The following NUBPL variants were observed in gnomAD, a reference collection of about 807,000 sequenced individuals.
The protein encoded by NUBPL is iron-sulfur cluster transfer protein NUBPL.
Under a neutral mutation model 45.7 loss-of-function variants are expected in NUBPL, and 31 were observed. That is an observed-to-expected ratio of 0.68 (90% CI 0.51 to 0.92). The LOEUF (loss-of-function observed/expected upper bound fraction) is 0.92. Among genes scored for constraint, NUBPL ranks in the 40% least tolerant of loss-of-function variants. The pLI, the probability that NUBPL is intolerant of heterozygous loss-of-function variation, is 0.00. For missense variants in NUBPL, 401 were observed against 398.7 expected, an observed-to-expected ratio of 1.01 and a Z score of -0.05; for synonymous variants, 144 against 140.9, an observed-to-expected ratio of 1.02 and a Z score of -0.15.
At chr14:31,778,315 CAA>C (rs1477945019) in intron 6 of NUBPL, among the ~76,000 whole-genome samples, 1 of 152,004 alleles carries the variant, frequency 6.6e-6, no homozygotes, top group Non-Finnish European at 1.5e-5. Flanking sequence ...CAGACAAAAA[CAA>C]ACAAACAAAC....
At chr14:31,751,204 A>G (rs1177723654) in intron 6 of NUBPL, among the ~76,000 whole-genome samples, 9 of 152,208 alleles carry the variant, frequency 5.9e-5, no homozygotes, top group Admixed American at 5.2e-4. Flanking sequence ...CCCAAATCTC[A>G]TGTCCTTTTC....
intron 6 of NUBPL, among the ~76,000 whole-genome samples, chr14:31,764,072 G>A (rs1195653985): frequency 2.0e-5 from 3 of 152,118 alleles, no homozygotes; most frequent in African/African-American, 7.2e-5. Flanking sequence ...ACACAGGCCT[G>A]TATTGAGCCC....
rs369182905 is a variant in NUBPL, at chr14:31,667,436, A to T, written c.383-5919A>T. Among the ~76,000 whole-genome samples, 262 of 152,026 alleles carry T rather than the reference A, an allele frequency of 1.7e-3. 2 individuals carry two copies. In the South Asian group the frequency reaches 0.022, roughly 13 times the overall value. On this transcript the variant is annotated intron_variant, in intron 4 of 10. Transcript: ENST00000281081. ...TCTTCTTCTCTAAACTGGTTATTCT[A>T]GTTAGCCCTTCCTGTAACCTTTTAT...
chr14:31,694,545 T>C (rs2037171570), intron 6 of NUBPL, among the ~76,000 whole-genome samples: 1 of 152,200 alleles, frequency 6.6e-6, no homozygotes, highest in South Asian at 2.1e-4. Context: ...TGATGGAGTA[T>C]TGCTCTGTCG....
intron 4 of NUBPL, among the ~76,000 whole-genome samples, chr14:31,624,217 A>C (rs1245651735): frequency 1.3e-5 from 2 of 152,192 alleles, no homozygotes; most frequent in Non-Finnish European, 2.9e-5. Flanking sequence ...ATGACTGAGA[A>C]AAAGGTCTCT....
intron 4 of NUBPL, among the ~76,000 whole-genome samples, chr14:31,668,594 T>C (rs1461941881): frequency 2.6e-5 from 4 of 152,200 alleles, no homozygotes; most frequent in African/African-American, 4.8e-5. Flanking sequence ...CCAGGTGCCA[T>C]TGGGGTATGA....
At chr14:31,834,356 C>G (rs188462660) in intron 8 of NUBPL, among the ~76,000 whole-genome samples, 2 of 151,842 alleles carry the variant, frequency 1.3e-5, no homozygotes, top group African/African-American at 4.8e-5. Context: ...AATTTTTGTA[C>G]TTTTAGTAGA....
chr14:31,774,728 T>C (rs1324945446), intron 6 of NUBPL, among the ~76,000 whole-genome samples: 1 of 152,222 alleles, frequency 6.6e-6, no homozygotes, highest in Non-Finnish European at 1.5e-5. Flanking sequence ...ATGTAAAATA[T>C]TATTTGAGGA....
At chr14:31,643,646 G>C (rs1262738142) in intron 4 of NUBPL, among the ~76,000 whole-genome samples, 2 of 152,004 alleles carry the variant, frequency 1.3e-5, no homozygotes, top group Admixed American at 1.3e-4. Context: ...TTGGTATCAG[G>C]GTAATTCTGG....
intron 4 of NUBPL, among the ~76,000 whole-genome samples, chr14:31,651,436 CA>C (rs2036000607): frequency 7.3e-6 from 1 of 136,086 alleles, no homozygotes; most frequent in Non-Finnish European, 1.7e-5. Context: ...GCATGAATCA[CA>C]TTTTTTTTAA....
At chr14:31,801,264 G>A (rs1265887449) in intron 7 of NUBPL, 1 of 152,236 alleles carries the variant, frequency 6.6e-6, no homozygotes, top group African/African-American at 2.4e-5. Context: ...TTGAGAGCCA[G>A]AAGGCAAGGA....
At chr14:31,736,415 A>T (rs749753414) in intron 6 of NUBPL, among the ~76,000 whole-genome samples, 1 of 152,200 alleles carries the variant, frequency 6.6e-6, no homozygotes, top group Admixed American at 6.5e-5. Context: ...GGTAACCAGT[A>T]TATGACTTCT....
At chr14:31,607,233 T>A (rs1245453865) in intron 4 of NUBPL, among the ~76,000 whole-genome samples, 4 of 151,480 alleles carry the variant, frequency 2.6e-5, no homozygotes, top group East Asian at 1.9e-4. Context: ...TACAAAAAAA[T>A]TTGGCTGGGC....
At chr14:31,647,054 A>T (rs532671378) in intron 4 of NUBPL, among the ~76,000 whole-genome samples, 99 of 152,176 alleles carry the variant, frequency 6.5e-4, no homozygotes, top group African/African-American at 2.3e-3. Flanking sequence ...TGCTTGATTT[A>T]TTTTTAATAT....
At chr14:31,581,519 A>G (rs1415230268) in intron 3 of NUBPL, among the ~76,000 whole-genome samples, 2 of 152,122 alleles carry the variant, frequency 1.3e-5, no homozygotes, top group Admixed American at 1.3e-4. Flanking sequence ...CACTTAGCAA[A>G]TTGTTATCAA....
chr14:31,799,003 G>GT (rs1359197593), intron 7 of NUBPL, among the ~76,000 whole-genome samples: 1 of 151,758 alleles, frequency 6.6e-6, no homozygotes, highest in Non-Finnish European at 1.5e-5. Context: ...CTATCAAAAA[G>GT]TTTTTTTGTG....
At chr14:31,757,309 C>T (rs374098092) in intron 6 of NUBPL, among the ~76,000 whole-genome samples, 6 of 150,296 alleles carry the variant, frequency 4.0e-5, no homozygotes, top group South Asian at 2.1e-4. Flanking sequence ...TGGTAGAATT[C>T]GGCTGTGAAT....
At chr14:31,672,438 A>T (rs2036594089) in intron 4 of NUBPL, among the ~76,000 whole-genome samples, 1 of 152,282 alleles carries the variant, frequency 6.6e-6, no homozygotes, top group East Asian at 1.9e-4. Flanking sequence ...GAAACATTTT[A>T]AAATTGTAGT....
intron 10 of NUBPL, among the ~76,000 whole-genome samples, chr14:31,857,519 T>C (rs10150448): frequency 0.6 from 91,559 of 152,012 alleles, 29,783 homozygotes; most frequent in African/African-American, 0.87. Flanking sequence ...ATCACAGTGT[T>C]AGGCTGCAAA....
Sources: gnomAD v4.1 joint callset for allele counts (sites outside exome capture counted in the v4.1 genomes callset) on GRCh38, gnomAD v4.1.1 for gene constraint, MANE v1.5 for transcripts, NCBI Gene and HGNC (gene_info 2026-07-23, HGNC 2026-07-21) for gene names.